The following HIP1 variants were observed in gnomAD, a reference collection of about 807,000 sequenced individuals.
The protein encoded by HIP1 is huntingtin interacting protein 1.
HIP1 carries 65 observed loss-of-function variants against 147.6 expected under a neutral mutation model. The observed-to-expected ratio is 0.44, with a 90% CI of 0.36 to 0.54. The LOEUF (loss-of-function observed/expected upper bound fraction) is 0.54, where lower values mean the gene tolerates loss of function less well. HIP1 is among the 20% of genes least tolerant of loss of function. The pLI is 0.00. For synonymous variants in HIP1, 479 were observed against 504.0 expected (o/e 0.95, Z 0.67); for missense variants, 1,061 against 1,299.6 (o/e 0.82, Z 2.82).
At chr7:75,619,475 G>A (rs587622955) in intron 1 of HIP1, among the ~76,000 whole-genome samples, 117 of 143,144 alleles carry the variant, frequency 8.2e-4, no homozygotes, top group Middle Eastern at 3.7e-3. Context: ...GCAGTGAGCC[G>A]AGATCACTCC....
chr7:75,599,457 G>A (rs1465965633), intron 1 of HIP1, among the ~76,000 whole-genome samples: 3 of 152,210 alleles, frequency 2.0e-5, no homozygotes, highest in African/African-American at 7.2e-5. Context: ...CTGAGGGAGT[G>A]GGCACCACTG....
In HIP1 at chr7:75,542,821, G is replaced by C. The variant is rs200986414; in HGVS notation, c.2890+30C>G. 2.8e-4 allele frequency: 459 copies of C among 1,612,176 alleles called. 2 individuals are homozygous for C. Among genetic ancestry groups the C allele is most frequent in the South Asian group, 2.8e-3 (252 of 90,772 alleles). Reference sequence around the variant, plus strand: ...TGCAGAGAAGAGCTCAACAGGGTGGGTAAGAAAAGGGTCCCTTTGGAAAGG... The same window carrying C: ...TGCAGAGAAGAGCTCAACAGGGTGGCTAAGAAAAGGGTCCCTTTGGAAAGG... On this transcript the variant is annotated intron_variant, in intron 28 of 30. Coordinates refer to ENST00000336926, the MANE Select transcript of HIP1 (RefSeq NM_005338.7).
At chr7:75,598,085 C>T (rs1554502319) in intron 2 of HIP1, among the ~76,000 whole-genome samples, 4 of 152,198 alleles carry the variant, frequency 2.6e-5, no homozygotes, top group Non-Finnish European at 5.9e-5. Context: ...GAGCCCCTGC[C>T]TCAGTTTAAG....
intron 1 of HIP1, among the ~76,000 whole-genome samples, chr7:75,621,638 G>A (rs1797851003): frequency 6.6e-6 from 1 of 152,270 alleles, no homozygotes. Flanking sequence ...CAGACTGCAG[G>A]GACCAGTGTG....
intron 1 of HIP1, among the ~76,000 whole-genome samples, chr7:75,728,761 C>A (rs868913702): frequency 1.4e-5 from 2 of 138,218 alleles, no homozygotes; most frequent in South Asian, 4.5e-4. Context: ...GCACTCCAGC[C>A]TGGGAGACAC....
intron 4 of HIP1, among the ~76,000 whole-genome samples, chr7:75,587,663 A>G (rs1416997235): frequency 6.6e-6 from 1 of 152,130 alleles, no homozygotes; most frequent in Non-Finnish European, 1.5e-5. Context: ...AAAGCTTCCT[A>G]CTTAAGAATG....
At chr7:75,701,309 G>A (rs968930649) in intron 1 of HIP1, among the ~76,000 whole-genome samples, 7 of 151,828 alleles carry the variant, frequency 4.6e-5, no homozygotes, top group Non-Finnish European at 7.4e-5. Flanking sequence ...CAGGAGAATC[G>A]CTTGAACCTC....
intron 1 of HIP1, among the ~76,000 whole-genome samples, chr7:75,615,175 GT>G (rs1554505750): frequency 6.6e-6 from 1 of 152,176 alleles, no homozygotes; most frequent in Non-Finnish European, 1.5e-5. Flanking sequence ...TTCACAGACA[GT>G]TGTGGACAGC....
At chr7:75,657,060 G>T (rs1799163720) in intron 1 of HIP1, among the ~76,000 whole-genome samples, 1 of 152,182 alleles carries the variant, frequency 6.6e-6, no homozygotes, top group African/African-American at 2.4e-5. Context: ...TCCCATTACT[G>T]GGTATCTACC....
chr7:75,629,381 G>A lies in HIP1; in HGVS notation c.121-30134C>T, dbSNP rs587706207. Among the ~76,000 whole-genome samples, 18 of 152,100 alleles carry A rather than the reference G, an allele frequency of 1.2e-4. No individual in the cohort carries two copies. The South Asian group carries it at 1.9e-3, about 16-fold the overall frequency. On this transcript the variant is annotated intron_variant, in intron 1 of 30. Transcript: ENST00000336926. ...TCCTCCTCTCCATTCCTCTGGCCCC[G>A]CTCCTAACAAACCTACTCAACATTC... is the stretch of plus-strand genomic sequence containing the variant.
chr7:75,647,038 C>T (rs1406205374), intron 1 of HIP1, among the ~76,000 whole-genome samples: 3 of 151,744 alleles, frequency 2.0e-5, no homozygotes, highest in Non-Finnish European at 2.9e-5. Context: ...TTAGAGGCTC[C>T]GAGTACCCCT....
At chr7:75,544,172 CAAA>C (rs369891293) in intron 27 of HIP1, among the ~76,000 whole-genome samples, 15 of 96,596 alleles carry the variant, frequency 1.6e-4, no homozygotes, top group Admixed American at 3.4e-4. Context: ...GCTCTGTCTC[CAAA>C]AAAAAAAAAA....
intron 9 of HIP1, among the ~76,000 whole-genome samples, chr7:75,565,737 CTTTT>C (rs34786053): frequency 6.9e-6 from 1 of 144,156 alleles, no homozygotes. Context: ...CCCTCCTTTC[CTTTT>C]TTTTTTTTTG....
intron 1 of HIP1, among the ~76,000 whole-genome samples, chr7:75,693,932 T>TTTC (rs1385156191): frequency 2.7e-5 from 4 of 146,790 alleles, no homozygotes; most frequent in African/African-American, 5.0e-5. Context: ...TTTTTTTTTT[T>TTTC]TTTTTGAGAT....
intron 1 of HIP1, among the ~76,000 whole-genome samples, chr7:75,628,693 G>A (rs1247033494): frequency 6.6e-6 from 1 of 152,126 alleles, no homozygotes; most frequent in African/African-American, 2.4e-5. Context: ...TGGCTGAGCT[G>A]GTTTCAAATT....
chr7:75,570,300 T>C (rs1795573410), intron 8 of HIP1, among the ~76,000 whole-genome samples: 1 of 150,834 alleles, frequency 6.6e-6, no homozygotes, highest in African/African-American at 2.4e-5. Context: ...GTTTCTTTTT[T>C]TTTTTTTTCG....
Position 75,547,037 on chromosome 7 carries a change from C to A in HIP1, c.2466-5G>T. ...CTGGTACAGCAACCAAGGATCCTGC[C>A]AAACAAACAAGTCGAGGATACACTG... On this transcript the variant is annotated splice_region_variant and splice_polypyrimidine_tract_variant and intron_variant, in intron 24 of 30. Coordinates refer to ENST00000336926, the MANE Select transcript of HIP1 (RefSeq NM_005338.7). 1 of 1,569,960 alleles carries A rather than the reference C, an allele frequency of 6.4e-7. No individual in the cohort carries two copies. The highest frequency in any genetic ancestry group is 8.7e-7 in the Non-Finnish European group (1 of 1,154,952).
intron 28 of HIP1, among the ~76,000 whole-genome samples, chr7:75,542,370 T>C (rs1286837814): frequency 1.3e-5 from 2 of 151,114 alleles, no homozygotes; most frequent in South Asian, 2.1e-4. Flanking sequence ...CACTCCAGCC[T>C]GGGCAACAAG....
intron 1 of HIP1, among the ~76,000 whole-genome samples, chr7:75,661,572 C>CAAA (rs61482074): frequency 4.3e-4 from 20 of 46,854 alleles, no homozygotes; most frequent in African/African-American, 1.2e-3. Context: ...GACTCCATCT[C>CAAA]AAAAAAAAAA....
Sources: gnomAD v4.1 joint callset for allele counts (sites outside exome capture counted in the v4.1 genomes callset) on GRCh38, gnomAD v4.1.1 for gene constraint, MANE v1.5 for transcripts, NCBI Gene and HGNC (gene_info 2026-07-23, HGNC 2026-07-21) for gene names.